IQCH: variants seen among roughly 807,000 people sequenced by gnomAD.
IQCH encodes IQ motif containing H, also known as IQ domain-containing protein H.
In IQCH, 98 loss-of-function variants were observed where a neutral mutation model predicts 117.0. The ratio of observed to expected loss-of-function variants is 0.84; its 90% CI spans 0.71 to 0.99. The LOEUF is 0.99. IQCH is among the 50% of genes least tolerant of loss of function. The pLI, the probability that IQCH is intolerant of heterozygous loss-of-function variation, is 0.00. For missense variants in IQCH, 1,102 were observed against 1,243.8 expected (o/e 0.89, Z 1.72); for synonymous variants, 412 against 448.2 (o/e 0.92, Z 1.02).
chr15:67,486,254 G>A (rs2083477640), intron 18 of IQCH, among the ~76,000 whole-genome samples: 1 of 150,740 alleles, frequency 6.6e-6, no homozygotes, highest in Admixed American at 6.6e-5. Context: ...TGGCCAGGCT[G>A]GTCTCAAACT....
In IQCH at chr15:67,386,527, A is replaced by T. The variant is rs1971112529; in HGVS notation, c.1456+1508A>T. Among the ~76,000 whole-genome samples the T allele has an allele frequency of 1.3e-5, 2 of 152,192 alleles. No individual in the cohort carries two copies. ...GATGAAGAAAAAGTACTTTTTTGTG[A>T]AATAAAAATGTGAAGAAAATAGAAA... On this transcript the variant is annotated intron_variant, in intron 11 of 20. Transcript: ENST00000335894. This position sits in a 1 kb window ranked among gnomAD's most constrained non-coding sequence, Gnocchi z 5.0.
At chr15:67,373,301 T>A in intron 9 of IQCH, 66 bp from the exon 10 acceptor site, 1 of 1,033,650 alleles carries the variant, frequency 9.7e-7, no homozygotes, top group Non-Finnish European at 1.5e-6. Flanking sequence ...GAAAAACAGC[T>A]GAAGTTTGAC....
rs528538467 is a variant in IQCH, at chr15:67,404,841, T to G, written c.2097+4536T>G. Reference sequence around the variant, plus strand: ...GATTTGTTTGTTTTTATATTTGGTTTTTGTATACACCTCTTTTTGCTTCTG... The same window carrying G: ...GATTTGTTTGTTTTTATATTTGGTTGTTGTATACACCTCTTTTTGCTTCTG... On this transcript the variant is annotated intron_variant, in intron 14 of 20. Transcript: ENST00000335894. This position sits in a 1 kb window ranked among gnomAD's most constrained non-coding sequence, Gnocchi z 4.6. 6.6e-5 allele frequency: 10 copies of G among 152,324 alleles called. No homozygotes were observed. The highest frequency in any genetic ancestry group is 2.4e-4 in the African/African-American group (10 of 41,574). The allele number at this position is 152,324 out of a possible 1,614,324, so 9.4% of individuals were successfully genotyped here.
chr15:67,284,139 T>C (rs895728611), intron 4 of IQCH, among the ~76,000 whole-genome samples: 8 of 152,120 alleles, frequency 5.3e-5, no homozygotes, highest in South Asian at 2.1e-4. Flanking sequence ...CTAGTTCTTA[T>C]TCATTCTTTC....
At chr15:67,418,545 A>T (rs2140911817) in intron 15 of IQCH, among the ~76,000 whole-genome samples, 1 of 149,560 alleles carries the variant, frequency 6.7e-6, no homozygotes, top group South Asian at 2.1e-4. Flanking sequence ...ACACACACAC[A>T]CACACACAAG....
rs945234285 is a variant in IQCH at position 67,465,842 on chromosome 15, A to T, written c.2676+545A>T. Among the ~76,000 whole-genome samples, 4 of 151,856 alleles carry T rather than the reference A, an allele frequency of 2.6e-5. No homozygotes were observed. Among genetic ancestry groups the T allele is most frequent in the African/African-American group, 9.7e-5 (4 of 41,340 alleles). On this transcript the variant is annotated intron_variant, in intron 17 of 20. Coordinates refer to ENST00000335894, the MANE Select transcript of IQCH (RefSeq NM_001031715.3). The surrounding 1 kb of genome is among the most constrained non-coding windows in gnomAD (Gnocchi z 5.9). ...TAGCTACGAAAATGCCACTAACCTG[A>T]CCCCTCCTCTCTCTCCACAAAGATA...
Position 67,500,918 on chromosome 15 carries a change from CTTATT to C in IQCH, c.*179_*183del, listed in dbSNP as rs935558650. On this transcript the variant is annotated 3_prime_UTR_variant, in exon 21 of 21. Coordinates refer to ENST00000335894, the MANE Select transcript of IQCH (RefSeq NM_001031715.3). The surrounding 1 kb of genome is among the most constrained non-coding windows in gnomAD (Gnocchi z 4.4). ...TTTAAAACATTGTTTATTAAGTGAT[CTTATT>C]TTATTTATTAAACCAAAACTTATTT... The C allele has an allele frequency of 2.8e-5, 11 of 394,780 alleles. No homozygotes were observed. The Admixed American group carries it at 3.1e-4, about 11-fold the overall frequency. 24.5% of individuals were successfully genotyped at this position (394,780 alleles called of 1,614,324 possible). A position where few individuals can be genotyped will look rare whatever the true frequency, so the allele number is the denominator to read the frequency against.
intron 16 of IQCH, among the ~76,000 whole-genome samples, chr15:67,446,380 C>G (rs1017195306): frequency 6.6e-6 from 1 of 151,954 alleles, no homozygotes; most frequent in Non-Finnish European, 1.5e-5. Context: ...GGAAGCTATA[C>G]ATTAAGAAAT....
intron 6 of IQCH, among the ~76,000 whole-genome samples, chr15:67,346,350 A>G (rs1322734347): frequency 6.6e-6 from 1 of 152,114 alleles, no homozygotes; most frequent in Admixed American, 6.5e-5. Flanking sequence ...GTGGTCCCCA[A>G]CCTTTTTGAC....
intron 2 of IQCH, among the ~76,000 whole-genome samples, chr15:67,262,494 A>G (rs1428545667): frequency 6.6e-6 from 1 of 152,156 alleles, no homozygotes; most frequent in Non-Finnish European, 1.5e-5. Context: ...GGTGAGAGGG[A>G]TGGACCCAGC....
At chr15:67,465,000 C>T (rs892873131) in intron 16 of IQCH, 127 bp from the exon 17 acceptor site, 4 of 761,960 alleles carry the variant, frequency 5.2e-6, no homozygotes, top group Non-Finnish European at 8.7e-6. Flanking sequence ...AAAACATCTA[C>T]TCCATTAAGA....
intron 4 of IQCH, among the ~76,000 whole-genome samples, chr15:67,298,524 T>C (rs1177654079): frequency 6.6e-6 from 1 of 151,896 alleles, no homozygotes; most frequent in East Asian, 1.9e-4. Flanking sequence ...TTGGTAGGAA[T>C]GTAAATTAAT....
intron 1 of IQCH, 102 bp downstream of exon 1, chr15:67,255,049 C>T: frequency 5.3e-6 from 6 of 1,122,088 alleles, no homozygotes; most frequent in Non-Finnish European, 8.0e-6. Flanking sequence ...TGGTGCGCCG[C>T]CCCTAGACTC....
Position 67,397,586 on chromosome 15 carries a change from G to A in IQCH, c.1905+2023G>A, listed in dbSNP as rs545022946. ...GCATTTTGAATCTGCAGATGGGGAT[G>A]AATCAATAACACTGACTTTTTACCG... On this transcript the variant is annotated intron_variant, in intron 13 of 20. Coordinates refer to ENST00000335894, the MANE Select transcript of IQCH (RefSeq NM_001031715.3). 8.5e-5 allele frequency among the ~76,000 whole-genome samples: 13 copies of A among 152,298 alleles called. No individual in the cohort carries two copies. In the South Asian group the frequency reaches 2.7e-3, roughly 32 times the overall value.
rs779331992 is a variant in IQCH at position 67,384,967 on chromosome 15, C to A, written c.1404C>A (p.Ala468=). 2 of 1,612,006 alleles carry A rather than the reference C, an allele frequency of 1.2e-6. No individual in the cohort carries two copies. Among genetic ancestry groups the A allele is most frequent in the Non-Finnish European group, 1.7e-6 (2 of 1,178,408 alleles). ...CCCAGCCTGTGAGAGAACATATTGC[C>A]GATTTCAACACACAGCAGAACATGC... is the stretch of plus-strand genomic sequence containing the variant. ...GYSQPVREHI[A]DFNTQQNMQL... Residue 468 remains alanine, a synonymous_variant, in exon 11 of 21, where the codon GCC becomes GCA. Transcript: ENST00000335894. The surrounding 1 kb of genome is among the most constrained non-coding windows in gnomAD (Gnocchi z 4.3).
intron 6 of IQCH, among the ~76,000 whole-genome samples, chr15:67,346,927 C>T (rs999315223): frequency 1.3e-4 from 20 of 151,688 alleles, no homozygotes; most frequent in African/African-American, 4.4e-4. Flanking sequence ...CTAAATAACC[C>T]GTGGATCAAA....
intron 5 of IQCH, among the ~76,000 whole-genome samples, chr15:67,343,732 GTAA>G (rs1969268183): frequency 6.6e-6 from 1 of 152,126 alleles, no homozygotes; most frequent in Non-Finnish European, 1.5e-5. Flanking sequence ...TTTAAAAAGA[GTAA>G]TAATATTACC....
intron 16 of IQCH, among the ~76,000 whole-genome samples, chr15:67,446,757 T>G (rs2082401103): frequency 1.3e-5 from 2 of 152,210 alleles, no homozygotes; most frequent in African/African-American, 4.8e-5. Flanking sequence ...ACCTTGCCTT[T>G]TTGCCTATAC....
chr15:67,472,440 T>C lies in IQCH; in HGVS notation c.2677-3256T>C, dbSNP rs562922111. 6.6e-6 allele frequency among the ~76,000 whole-genome samples: 1 copy of C among 152,102 alleles called. No homozygotes were observed. Among genetic ancestry groups the C allele is most frequent in the South Asian group, 2.1e-4 (1 of 4,814 alleles). On this transcript the variant is annotated intron_variant, in intron 17 of 20. Coordinates refer to ENST00000335894, the MANE Select transcript of IQCH (RefSeq NM_001031715.3). This position sits in a 1 kb window ranked among gnomAD's most constrained non-coding sequence, Gnocchi z 4.3. ...GGAGGATGACACAGACCAACCTGTGTTAGGGGGAAATGATTAATCCGGTGA... is the reference window on the plus strand; with the variant it reads ...GGAGGATGACACAGACCAACCTGTGCTAGGGGGAAATGATTAATCCGGTGA...
Sources: allele counts gnomAD v4.1 joint callset (sites outside exome capture counted in the v4.1 genomes callset), GRCh38; gene constraint gnomAD v4.1.1; non-coding constraint Gnocchi (gnomAD v3.1); transcripts MANE v1.5; gene names NCBI Gene and HGNC (gene_info 2026-07-23, HGNC 2026-07-21).